STPG2: variants seen among roughly 807,000 people sequenced by gnomAD.
STPG2 encodes sperm tail PG-rich repeat containing 2, also known as sperm-tail PG-rich repeat-containing protein 2.
STPG2 carries 56 observed loss-of-function variants against 54.2 expected under a neutral mutation model. The observed-to-expected ratio is 1.03, with a 90% CI of 0.83 to 1.29. The LOEUF (loss-of-function observed/expected upper bound fraction) is 1.29, where lower values mean the gene tolerates loss of function less well. Among genes scored for constraint, STPG2 ranks in the 50% most tolerant of loss-of-function variants. STPG2 has a pLI of 0.00. For synonymous variants in STPG2, 200 were observed against 181.8 expected (o/e 1.10, Z -0.81); for missense variants, 596 against 544.9 (o/e 1.09, Z -0.93).
At chr4:97,732,987 G>A (rs35822567) in intron 9 of STPG2, among the ~76,000 whole-genome samples, 59,069 of 151,962 alleles carry the variant, frequency 0.39, 11,617 homozygotes, top group Middle Eastern at 0.46. Flanking sequence ...ACTGCTTCTT[G>A]GGAATGTAAA....
intron 10 of STPG2, among the ~76,000 whole-genome samples, chr4:97,681,596 T>C (rs948783983): frequency 1.3e-4 from 20 of 151,876 alleles, no homozygotes; most frequent in Non-Finnish European, 1.5e-5. Context: ...TTCTTGTCAA[T>C]TGGAACTAAT....
intron 5 of STPG2, among the ~76,000 whole-genome samples, chr4:97,996,261 A>C (rs529963265): frequency 4.3e-4 from 65 of 152,350 alleles, no homozygotes; most frequent in Non-Finnish European, 4.0e-4. Flanking sequence ...CCAATAGAGC[A>C]GAATAGAGAG....
chr4:97,839,434 G>A (rs1728728210), intron 9 of STPG2, among the ~76,000 whole-genome samples: 1 of 151,466 alleles, frequency 6.6e-6, no homozygotes, highest in African/African-American at 2.4e-5. Context: ...AAGGAATACA[G>A]ACAAAAAATA....
intron 8 of STPG2, among the ~76,000 whole-genome samples, chr4:97,940,510 T>C (rs1272832302): frequency 1.3e-5 from 2 of 152,232 alleles, no homozygotes; most frequent in Non-Finnish European, 2.9e-5. Flanking sequence ...TTGTTCTTTT[T>C]TCTCTGGTTT....
chr4:97,779,392 A>G (rs970138404), intron 9 of STPG2, among the ~76,000 whole-genome samples: 5 of 152,222 alleles, frequency 3.3e-5, no homozygotes, highest in African/African-American at 1.2e-4. Flanking sequence ...AAAAAAGGGT[A>G]AAAAGAAATG....
chr4:97,598,364 C>T (rs971777493), intron 10 of STPG2, among the ~76,000 whole-genome samples: 5 of 145,856 alleles, frequency 3.4e-5, no homozygotes, highest in Non-Finnish European at 7.4e-5. Flanking sequence ...ACATTCTTCA[C>T]GGAATTAGAA....
chr4:97,579,551 G>T (rs1732811013), intron 10 of STPG2, among the ~76,000 whole-genome samples: 3 of 151,988 alleles, frequency 2.0e-5, no homozygotes. Context: ...AGTTAAGAAT[G>T]GATTAAAATT....
intron 5 of STPG2, among the ~76,000 whole-genome samples, chr4:98,104,086 T>C (rs1159134375): frequency 6.6e-6 from 1 of 152,176 alleles, no homozygotes; most frequent in Non-Finnish European, 1.5e-5. Context: ...CACTTTTAAA[T>C]CATCCCTGCC....
At chr4:97,525,423 T>G (rs111775223) in intron 4 of STPG2, among the ~76,000 whole-genome samples, 2,036 of 151,994 alleles carry the variant, frequency 0.013, 46 homozygotes, top group African/African-American at 0.047. Context: ...AGAAGGGTTG[T>G]GACTCAGCAG....
At chr4:97,441,855 A>C (rs964641152) in intron 4 of STPG2, among the ~76,000 whole-genome samples, 4 of 152,048 alleles carry the variant, frequency 2.6e-5, no homozygotes, top group African/African-American at 7.2e-5. Flanking sequence ...GAGTCTAATA[A>C]GATAAAATGT....
At chr4:97,541,457 A>C (rs1731703696) in intron 4 of STPG2, among the ~76,000 whole-genome samples, 1 of 152,216 alleles carries the variant, frequency 6.6e-6, no homozygotes, top group South Asian at 2.1e-4. Context: ...ACCACTGCTC[A>C]ACAAAATGAA....
At chr4:97,877,153 T>C (rs1445542177) in intron 8 of STPG2, among the ~76,000 whole-genome samples, 1 of 152,182 alleles carries the variant, frequency 6.6e-6, no homozygotes, top group East Asian at 1.9e-4. Context: ...ACAATTATGG[T>C]CACCATGCAG....
intron 5 of STPG2, among the ~76,000 whole-genome samples, chr4:98,068,901 T>C (rs1737917064): frequency 6.6e-6 from 1 of 152,040 alleles, no homozygotes; most frequent in Non-Finnish European, 1.5e-5. Context: ...TATCTGAACA[T>C]ACCTAAACAT....
At position 97,490,443 on chromosome 4, in the gene STPG2, C is replaced by T. The variant is rs1055511483; in HGVS notation, c.462+222256G>A. On this transcript the variant is annotated intron_variant, in intron 4 of 4. Coordinates refer to the STPG2 transcript ENST00000522676. Reference sequence around the variant, plus strand: ...ACTTATATTCTACTACTCTGTTTGCCACTTTATTAGATTCTCTTCCTCCAT... The same window carrying T: ...ACTTATATTCTACTACTCTGTTTGCTACTTTATTAGATTCTCTTCCTCCAT... 3.3e-5 allele frequency among the ~76,000 whole-genome samples: 5 copies of T among 151,456 alleles called. No individual in the cohort carries two copies. In the Admixed American group the frequency reaches 3.3e-4, roughly 10 times the overall value.
chr4:97,827,840 C>G (rs56707347), intron 9 of STPG2, among the ~76,000 whole-genome samples: 13,262 of 152,036 alleles, frequency 0.087, 738 homozygotes, highest in South Asian at 0.21. Context: ...CTTGCCCATA[C>G]AATCTCTATC....
downstream of STPG2, among the ~76,000 whole-genome samples, chr4:97,554,887 G>C (rs1315650145): frequency 6.6e-6 from 1 of 152,092 alleles, no homozygotes; most frequent in Non-Finnish European, 1.5e-5. Flanking sequence ...GACTGTAAGA[G>C]GCCAGAATAT....
At chr4:97,757,156 T>C (rs1725755785) in intron 9 of STPG2, among the ~76,000 whole-genome samples, 1 of 152,236 alleles carries the variant, frequency 6.6e-6, no homozygotes, top group African/African-American at 2.4e-5. Flanking sequence ...ATATTACACG[T>C]ATTGCCCATG....
chr4:97,758,476 C>G (rs527376391), intron 9 of STPG2, among the ~76,000 whole-genome samples: 1 of 152,264 alleles, frequency 6.6e-6, no homozygotes, highest in Admixed American at 6.5e-5. Context: ...TTTGCAGGGA[C>G]ATGGATGAAG....
intron 9 of STPG2, among the ~76,000 whole-genome samples, chr4:97,745,000 G>A (rs1411670653): frequency 1.3e-5 from 2 of 151,212 alleles, no homozygotes; most frequent in East Asian, 3.9e-4. Flanking sequence ...AGTTACTAAT[G>A]AGATGTTCAT....
Sources: gnomAD v4.1 joint callset for allele counts (sites outside exome capture counted in the v4.1 genomes callset) on GRCh38, gnomAD v4.1.1 for gene constraint, MANE v1.5 for transcripts, NCBI Gene and HGNC (gene_info 2026-07-23, HGNC 2026-07-21) for gene names.